Variants in NDRG4 observed in about 807,000 individuals in gnomAD.
The protein encoded by NDRG4 is protein NDRG4.
A neutral mutation model predicts 55.8 loss-of-function variants in NDRG4; 38 were observed. The observed-to-expected ratio is 0.68, with a 90% CI of 0.53 to 0.89. The LOEUF (loss-of-function observed/expected upper bound fraction) is 0.89. NDRG4 is among the 40% of genes least tolerant of loss of function. The probability of loss-of-function intolerance (pLI) is 0.00; values close to 1 mark genes in which losing one functional copy is unlikely to be tolerated. For synonymous variants in NDRG4, 190 were observed against 182.7 expected, an observed-to-expected ratio of 1.04 and a Z score of -0.32; for missense variants, 455 against 468.6, an observed-to-expected ratio of 0.97 and a Z score of 0.27.
At position 58,511,619 on chromosome 16, in the gene NDRG4, G is replaced by T; in HGVS notation, c.*43G>T. On this transcript the variant is annotated 3_prime_UTR_variant, in exon 15 of 15. Transcript: ENST00000570248. ...ACGACGCCCACGTCGAGGCCCCACC[G>T]CCATCCTTGCGCCGGCTCATGTTCC... 6.2e-7 allele frequency: 1 copy of T among 1,611,246 alleles called. No individual in the cohort carries two copies. The highest frequency in any genetic ancestry group is 8.5e-7 in the Non-Finnish European group (1 of 1,178,480).
At chr16:58,467,866 C>A (rs2032001908) in intron 1 of NDRG4, among the ~76,000 whole-genome samples, 1 of 152,220 alleles carries the variant, frequency 6.6e-6, no homozygotes. Flanking sequence ...CGTCCTCAGG[C>A]CGCCTCCCGA....
At chr16:58,475,517 AT>A (rs772766889) in intron 1 of NDRG4, 75 of 424,656 alleles carry the variant, frequency 1.8e-4, no homozygotes, top group Non-Finnish European at 2.9e-4. Context: ...TCCAAGAAAA[AT>A]ATCCCAAGTT....
chr16:58,513,672 C>T (rs914282105), downstream of NDRG4: 2 of 147,834 alleles, frequency 1.4e-5, no homozygotes, highest in Non-Finnish European at 3.0e-5. Flanking sequence ...ATACAGCTCT[C>T]CTCAGCCAGG....
chr16:58,479,730 C>T (rs1428290101), intron 1 of NDRG4, among the ~76,000 whole-genome samples: 2 of 152,222 alleles, frequency 1.3e-5, no homozygotes, highest in Non-Finnish European at 1.5e-5. Context: ...GTCATAGACA[C>T]AGGGAACATC....
upstream of NDRG4, among the ~76,000 whole-genome samples, chr16:58,496,355 G>C (rs1195012891): frequency 6.6e-6 from 1 of 152,082 alleles, no homozygotes; most frequent in African/African-American, 2.4e-5. Flanking sequence ...TTGGTAAAAG[G>C]CAGGTTGCAT....
intron 1 of NDRG4, among the ~76,000 whole-genome samples, chr16:58,481,739 C>G (rs112917323): frequency 6.6e-6 from 1 of 152,110 alleles, no homozygotes; most frequent in Non-Finnish European, 1.5e-5. Flanking sequence ...GTCAGTTGCT[C>G]CTTCCTGTGC....
At chr16:58,477,782 AG>A (rs200939083) in intron 1 of NDRG4, among the ~76,000 whole-genome samples, 1,147 of 101,584 alleles carry the variant, frequency 0.011, 5 homozygotes, top group Non-Finnish European at 0.012. Context: ...AGGGGGGTGG[AG>A]GGGGTGGGGA....
At position 58,509,459 on chromosome 16, in the gene NDRG4, T is replaced by C. The variant is rs2038494900; in HGVS notation, c.865+107T>C. On this transcript the variant is annotated intron_variant, in intron 13 of 14. Coordinates refer to ENST00000570248, the MANE Select transcript of NDRG4 (RefSeq NM_001242835.2). Reference sequence around the variant, plus strand: ...GCTGGCACGTGGTGTCAGGTGGTAGTAGGGAGCCCATAAGCATAGGAGTTT... The same window carrying C: ...GCTGGCACGTGGTGTCAGGTGGTAGCAGGGAGCCCATAAGCATAGGAGTTT... The C allele has an allele frequency of 1.6e-5, 19 of 1,193,644 alleles. No individual in the cohort carries two copies. The South Asian group carries it at 1.9e-4, about 12-fold the overall frequency. The allele number at this position is 1,193,644 out of a possible 1,614,324, so 73.9% of individuals were successfully genotyped here. A position where few individuals can be genotyped will look rare whatever the true frequency, so the allele number is the denominator to read the frequency against.
At chr16:58,505,738 T>C (rs1350943479) in intron 5 of NDRG4, among the ~76,000 whole-genome samples, 4 of 138,020 alleles carry the variant, frequency 2.9e-5, no homozygotes, top group Non-Finnish European at 4.6e-5. Flanking sequence ...TTTTTTTTTT[T>C]TGAGATGGAG....
intron 1 of NDRG4, among the ~76,000 whole-genome samples, chr16:58,466,864 A>G (rs899074183): frequency 1.3e-5 from 2 of 152,172 alleles, no homozygotes; most frequent in Admixed American, 6.5e-5. Context: ...TTGCTGAGAT[A>G]GTGTAGGCGA....
At chr16:58,486,168 A>C (rs1001123733) in intron 1 of NDRG4, among the ~76,000 whole-genome samples, 1 of 152,160 alleles carries the variant, frequency 6.6e-6, no homozygotes, top group Non-Finnish European at 1.5e-5. Flanking sequence ...CTATCCATTC[A>C]TTCATTCATT....
At chr16:58,463,817 G>T (rs2030980984) in intron 1 of NDRG4, 2 of 151,430 alleles carry the variant, frequency 1.3e-5, no homozygotes, top group African/African-American at 4.9e-5. Context: ...CGGCGCCCTC[G>T]CCCCTGAGCC....
intron 1 of NDRG4, chr16:58,501,064 C>G: frequency 8.1e-7 from 1 of 1,236,490 alleles, no homozygotes. Context: ...CACCTCCTCT[C>G]GCCGGGGCAT....
intron 13 of NDRG4, among the ~76,000 whole-genome samples, chr16:58,510,365 T>C (rs1234253015): frequency 1.3e-5 from 2 of 152,130 alleles, no homozygotes; most frequent in Non-Finnish European, 2.9e-5. Flanking sequence ...CCTCCCCCAT[T>C]CTGTATGCAG....
chr16:58,468,340 G>GACATCC (rs2032115981), intron 1 of NDRG4, among the ~76,000 whole-genome samples: 1 of 152,224 alleles, frequency 6.6e-6, no homozygotes, highest in Non-Finnish European at 1.5e-5. Context: ...GAATTTCGGG[G>GACATCC]TCTCCCCTGT....
In NDRG4 at chr16:58,512,301, T is replaced by C. The variant is rs1378125217; in HGVS notation, c.*725T>C. ...AGCCAAGGCCTCCCCGAGGCAGAAGTTGCCTGGTCCTCTGTCCCCACAGTG... is the reference window on the plus strand; with the variant it reads ...AGCCAAGGCCTCCCCGAGGCAGAAGCTGCCTGGTCCTCTGTCCCCACAGTG... On this transcript the variant is annotated 3_prime_UTR_variant, in exon 15 of 15. Transcript: ENST00000570248. 2.8e-6 allele frequency: 1 copy of C among 352,000 alleles called. No homozygotes were observed. The highest frequency in any genetic ancestry group is 5.6e-6 in the Non-Finnish European group (1 of 179,470). The allele number at this position is 352,000 out of a possible 1,614,324, so 21.8% of individuals were successfully genotyped here. A position where few individuals can be genotyped will look rare whatever the true frequency, so the allele number is the denominator to read the frequency against.
In NDRG4 at chr16:58,504,230, G is replaced by A. The variant is rs767798015; in HGVS notation, c.204G>A (p.Val68=). ...EITKHFVVCH[V]DAPGQQVGAS... is the part of the protein sequence containing the mutation. ...CCAAGCACTTTGTGGTGTGTCACGT[G>A]GATGCCCCTGGACAACAGGTGGGGG... Residue 68 remains valine, a synonymous_variant, in exon 3 of 15, where the codon GTG becomes GTA. Coordinates refer to ENST00000570248, the MANE Select transcript of NDRG4 (RefSeq NM_001242835.2). 6.2e-7 allele frequency: 1 copy of A among 1,614,188 alleles called. No individual in the cohort carries two copies. The highest frequency in any genetic ancestry group is 1.1e-5 in the South Asian group (1 of 91,088).
At chr16:58,487,890 G>A in intron 2 of NDRG4, 2 of 1,442,406 alleles carry the variant, frequency 1.4e-6, no homozygotes, top group Non-Finnish European at 1.9e-6. Context: ...AGGGCCGAGC[G>A]CGCCACCTCG....
chr16:58,466,191 A>G (rs1354977166), intron 1 of NDRG4, among the ~76,000 whole-genome samples: 1 of 152,090 alleles, frequency 6.6e-6, no homozygotes, highest in East Asian at 1.9e-4. Flanking sequence ...TAATTTTTGT[A>G]TTCTTAGTAG....
Sources: allele counts gnomAD v4.1 joint callset (sites outside exome capture counted in the v4.1 genomes callset), GRCh38; gene constraint gnomAD v4.1.1; transcripts MANE v1.5; gene names NCBI Gene and HGNC (gene_info 2026-07-23, HGNC 2026-07-21).